The following UBE2E2 variants were observed in gnomAD, a reference collection of about 807,000 sequenced individuals.
The protein encoded by UBE2E2 is ubiquitin conjugating enzyme E2 E2, also known as ubiquitin-conjugating enzyme E2 E2.
Under a neutral mutation model 24.7 loss-of-function variants are expected in UBE2E2, and 6 were observed. The observed-to-expected ratio is 0.24, with a 90% CI of 0.13 to 0.48. The LOEUF (loss-of-function observed/expected upper bound fraction) is 0.48, where lower values mean the gene tolerates loss of function less well. UBE2E2 is among the 20% of genes least tolerant of loss of function. The pLI, the probability that UBE2E2 is intolerant of heterozygous loss-of-function variation, is 0.99. For missense variants in UBE2E2, 169 were observed against 245.0 expected, an observed-to-expected ratio of 0.69 and a Z score of 2.07; for synonymous variants, 104 against 83.6, an observed-to-expected ratio of 1.24 and a Z score of -1.33.
chr3:23,466,248 A>C (rs1044377429), intron 3 of UBE2E2, among the ~76,000 whole-genome samples: 2 of 152,218 alleles, frequency 1.3e-5, no homozygotes, highest in African/African-American at 4.8e-5. Flanking sequence ...AGTTAAAAGA[A>C]ATGTCAAATG....
intron 3 of UBE2E2, among the ~76,000 whole-genome samples, chr3:23,275,066 G>A (rs568156074): frequency 5.3e-5 from 8 of 152,338 alleles, no homozygotes; most frequent in South Asian, 4.1e-4. Flanking sequence ...TGTGTAAAGC[G>A]TTGTGTTAGG....
At chr3:23,235,539 G>T (rs1697081682) in intron 3 of UBE2E2, among the ~76,000 whole-genome samples, 1 of 152,110 alleles carries the variant, frequency 6.6e-6, no homozygotes, top group African/African-American at 2.4e-5. Flanking sequence ...CTTTTATTAA[G>T]ATCAGTCTGG....
chr3:23,499,211 C>T (rs1374900380), intron 3 of UBE2E2, among the ~76,000 whole-genome samples: 7 of 152,170 alleles, frequency 4.6e-5, no homozygotes, highest in Admixed American at 6.5e-5. Context: ...CATTGAACCT[C>T]CTTTGTGTTC....
intron 3 of UBE2E2, among the ~76,000 whole-genome samples, chr3:23,307,899 G>C (rs147510973): frequency 3.9e-4 from 60 of 152,264 alleles, no homozygotes; most frequent in Admixed American, 1.4e-3. Flanking sequence ...TTCACAATTT[G>C]TAAAGATTTA....
intron 3 of UBE2E2, among the ~76,000 whole-genome samples, chr3:23,305,436 C>T (rs1173207031): frequency 2.0e-5 from 3 of 152,330 alleles, no homozygotes; most frequent in African/African-American, 2.4e-5. Flanking sequence ...TCTCTTTTAA[C>T]TGCAGTTAGT....
At chr3:23,506,637 A>G (rs774509591) in intron 4 of UBE2E2, among the ~76,000 whole-genome samples, 2 of 152,118 alleles carry the variant, frequency 1.3e-5, no homozygotes, top group Non-Finnish European at 2.9e-5. Flanking sequence ...TCCCTTCAAC[A>G]GTACACCCCA....
intron 5 of UBE2E2, among the ~76,000 whole-genome samples, chr3:23,555,789 C>T (rs1037544891): frequency 6.6e-5 from 10 of 152,122 alleles, no homozygotes; most frequent in Non-Finnish European, 1.3e-4. Flanking sequence ...AAAACTATTG[C>T]ATCTCATTTA....
intron 4 of UBE2E2, among the ~76,000 whole-genome samples, chr3:23,507,527 A>G (rs1415719781): frequency 6.6e-6 from 1 of 152,224 alleles, no homozygotes; most frequent in Non-Finnish European, 1.5e-5. Flanking sequence ...TGCCCTAAGC[A>G]AAATGTTTAT....
chr3:23,481,886 T>C (rs1429239451), intron 3 of UBE2E2, among the ~76,000 whole-genome samples: 1 of 152,220 alleles, frequency 6.6e-6, no homozygotes, highest in Non-Finnish European at 1.5e-5. Flanking sequence ...AATCTGTGTT[T>C]GTTTTGCTTA....
chr3:23,564,725 T>G (rs1348950648), intron 5 of UBE2E2, among the ~76,000 whole-genome samples: 3 of 152,206 alleles, frequency 2.0e-5, no homozygotes, highest in Non-Finnish European at 4.4e-5. Context: ...GCTTTCCACC[T>G]GTTACTGGTC....
intron 3 of UBE2E2, among the ~76,000 whole-genome samples, chr3:23,434,053 T>C (rs1351790917): frequency 6.6e-6 from 1 of 152,094 alleles, no homozygotes; most frequent in Non-Finnish European, 1.5e-5. Context: ...TAATATGCAC[T>C]GTCTGAAGCT....
chr3:23,575,677 A>G (rs184529552), intron 5 of UBE2E2, among the ~76,000 whole-genome samples: 3 of 152,298 alleles, frequency 2.0e-5, no homozygotes, highest in Admixed American at 1.3e-4. Context: ...AAGAGAGTAA[A>G]TTGTACATAC....
chr3:23,298,364 C>T (rs1315441459), intron 3 of UBE2E2, among the ~76,000 whole-genome samples: 2 of 151,848 alleles, frequency 1.3e-5, no homozygotes, highest in African/African-American at 4.8e-5. Flanking sequence ...CTGTCTTGTG[C>T]CAGTTTTCAA....
chr3:23,258,349 G>A (rs2125351884), intron 3 of UBE2E2, among the ~76,000 whole-genome samples: 1 of 152,268 alleles, frequency 6.6e-6, no homozygotes, highest in East Asian at 1.9e-4. Context: ...AAATAGTTTT[G>A]ATGGAAGTCA....
chr3:23,556,898 A>G (rs1031209112), intron 5 of UBE2E2, among the ~76,000 whole-genome samples: 2 of 152,220 alleles, frequency 1.3e-5, no homozygotes, highest in African/African-American at 4.8e-5. Flanking sequence ...TCCGTAATGT[A>G]CAGTAAGTCC....
intron 3 of UBE2E2, among the ~76,000 whole-genome samples, chr3:23,383,632 G>GTT (rs141172821): frequency 9.9e-5 from 15 of 151,758 alleles, no homozygotes; most frequent in Middle Eastern, 3.4e-3. Context: ...AGATACTGAG[G>GTT]TTTTTTTTGT....
chr3:23,225,002 G>A (rs1398354125), intron 3 of UBE2E2, among the ~76,000 whole-genome samples: 1 of 151,346 alleles, frequency 6.6e-6, no homozygotes, highest in Non-Finnish European at 1.5e-5. Flanking sequence ...TAGATATGAA[G>A]TGGTATTTTG....
At chr3:23,324,502 C>G (rs747968196) in intron 3 of UBE2E2, among the ~76,000 whole-genome samples, 1 of 152,090 alleles carries the variant, frequency 6.6e-6, no homozygotes, top group Non-Finnish European at 1.5e-5. Flanking sequence ...TACCAGCTAC[C>G]TGTAGACCAT....
At chr3:23,493,817 C>T (rs967358464) in intron 3 of UBE2E2, among the ~76,000 whole-genome samples, 4 of 152,004 alleles carry the variant, frequency 2.6e-5, no homozygotes, top group African/African-American at 9.7e-5. Context: ...GTCCTGAAAC[C>T]ATTCTTATAA....
Sources: allele counts gnomAD v4.1 joint callset (sites outside exome capture counted in the v4.1 genomes callset), GRCh38; gene constraint gnomAD v4.1.1; transcripts MANE v1.5; gene names NCBI Gene and HGNC (gene_info 2026-07-23, HGNC 2026-07-21).